The following MED12L variants were observed in gnomAD, a reference collection of about 807,000 sequenced individuals.
MED12L encodes the protein mediator complex subunit 12L.
A neutral mutation model predicts 281.3 loss-of-function variants in MED12L; 60 were observed. That is an observed-to-expected ratio of 0.21 (90% CI 0.17 to 0.26). The LOEUF is 0.26. MED12L is among the 10% of genes least tolerant of loss of function. The pLI, the probability that MED12L is intolerant of heterozygous loss-of-function variation, is 1.00. For missense variants in MED12L, 2,146 were observed against 2,680.9 expected (o/e 0.80, Z 4.41); for synonymous variants, 974 against 987.2 (o/e 0.99, Z 0.25).
rs1156643264 is a variant in MED12L at position 151,160,000 on chromosome 3, C to G, written c.1006C>G (p.Pro336Ala). ...GAGTATCGGGGCCCCCAGCCCTGGC[C>G]CCCCCGGCCCTGGCATGAGCCCCGT... Reference protein sequence around the residue: ...NSSIGAPSPGPPGPGMSPVQL... With the variant: ...NSSIGAPSPGAPGPGMSPVQL... The change falls in exon 8 of 45, where the codon CCC becomes GCC. Residue 336 changes from proline (P) to alanine (A), a missense_variant. Around this residue, in one of 9 missense-constraint regions of MED12L, gnomAD observed 722 missense variants for 861.2 expected, o/e 0.84. Transcript: ENST00000687756. The G allele has an allele frequency of 3.7e-6, 6 of 1,614,166 alleles. No individual in the cohort carries two copies. The highest frequency in any genetic ancestry group is 5.1e-6 in the Non-Finnish European group (6 of 1,179,990).
intron 2 of MED12L, 48 bp from the exon 3 acceptor site, chr3:151,116,290 T>C: frequency 2.2e-6 from 3 of 1,356,324 alleles, no homozygotes; most frequent in East Asian, 2.4e-5. Flanking sequence ...TGGGATTATG[T>C]TGAAGCTTTT....
chr3:151,158,504 A>C (rs1719572149), intron 6 of MED12L, among the ~76,000 whole-genome samples, 185 bp from the exon 7 acceptor site: 1 of 152,132 alleles, frequency 6.6e-6, no homozygotes, highest in Admixed American at 6.5e-5. Context: ...TTTCTAAAAA[A>C]CAAAAAAAAC....
Position 151,434,695 on chromosome 3 carries a change from C to A in MED12L, c.*1891C>A, listed in dbSNP as rs1445024114. 6.6e-6 allele frequency: 1 copy of A among 152,178 alleles called. No individual in the cohort carries two copies. Among genetic ancestry groups the A allele is most frequent in the African/African-American group, 2.4e-5 (1 of 41,448 alleles). 9.4% of individuals were successfully genotyped at this position (152,178 alleles called of 1,614,324 possible). ...TGAATGTTGTGCCTAGTGAGTGAGT[C>A]ATGTTCCATCATTATTTCTTTCCAA... On this transcript the variant is annotated 3_prime_UTR_variant, in exon 45 of 45. Coordinates refer to ENST00000687756, the MANE Select transcript of MED12L (RefSeq NM_001393769.1).
chr3:151,392,192 G>A (rs1008057652), intron 38 of MED12L, among the ~76,000 whole-genome samples: 32 of 151,996 alleles, frequency 2.1e-4, no homozygotes, highest in South Asian at 4.1e-4. Context: ...GGCTGGGCAC[G>A]GTGGCTGACA....
chr3:151,163,420 AC>A (rs1720257387), intron 8 of MED12L, among the ~76,000 whole-genome samples: 1 of 152,018 alleles, frequency 6.6e-6, no homozygotes, highest in African/African-American at 2.4e-5. Context: ...AAGTTTGACA[AC>A]CCCTTGTCCA....
chr3:151,172,672 G>T (rs1721579591), intron 11 of MED12L, among the ~76,000 whole-genome samples: 1 of 152,182 alleles, frequency 6.6e-6, no homozygotes, highest in African/African-American at 2.4e-5. Flanking sequence ...TTTTGTTGTT[G>T]TTTAAGGAAA....
At chr3:151,382,814 A>C (rs1577514705) in intron 33 of MED12L, 69 bp downstream of exon 33, 1 of 1,276,602 alleles carries the variant, frequency 7.8e-7, no homozygotes, top group Admixed American at 2.0e-5. Context: ...CCAGCTTTCC[A>C]CTTCTCCTAA....
In MED12L at chr3:151,129,490, TCCC is replaced by T. The variant is rs958148479; in HGVS notation, c.556+1510_556+1512del. 7.3e-5 allele frequency among the ~76,000 whole-genome samples: 11 copies of T among 151,266 alleles called. No individual in the cohort carries two copies. The East Asian group carries it at 2.1e-3, about 29-fold the overall frequency. ...TATCTTTATATTTCTCTGAGTTTATTCCCCCCATCAGCATTTTATTTTATTTGA... is the reference window on the plus strand; with the variant it reads ...TATCTTTATATTTCTCTGAGTTTATTCCCATCAGCATTTTATTTTATTTGA... On this transcript the variant is annotated intron_variant, in intron 5 of 44. Transcript: ENST00000687756.
At chr3:151,242,604 A>T (rs1444736717) in intron 16 of MED12L, among the ~76,000 whole-genome samples, 2 of 152,218 alleles carry the variant, frequency 1.3e-5, no homozygotes, top group Non-Finnish European at 2.9e-5. Context: ...ATCCACACCA[A>T]AAACCCATCT....
At chr3:151,118,106 A>C (rs1713141597) in intron 3 of MED12L, among the ~76,000 whole-genome samples, 1 of 151,656 alleles carries the variant, frequency 6.6e-6, no homozygotes, top group South Asian at 2.1e-4. Context: ...AAAAAAAAAA[A>C]AGGAATGTAA....
intron 16 of MED12L, chr3:151,337,787 G>T (rs1218439724): frequency 6.2e-7 from 1 of 1,606,214 alleles, no homozygotes; most frequent in African/African-American, 1.3e-5. Flanking sequence ...TGAACACAAA[G>T]AGATTGAAAT....
chr3:151,242,489 AC>A (rs1243311697), intron 16 of MED12L, among the ~76,000 whole-genome samples: 2 of 152,174 alleles, frequency 1.3e-5, no homozygotes, highest in African/African-American at 2.4e-5. Context: ...ACTGGGAGGC[AC>A]CCCCCAGCAG....
At chr3:151,222,818 A>T (rs923311471) in intron 16 of MED12L, among the ~76,000 whole-genome samples, 1 of 152,166 alleles carries the variant, frequency 6.6e-6, no homozygotes, top group Non-Finnish European at 1.5e-5. Context: ...AAAGGTGATG[A>T]TGGTAAAATA....
intron 5 of MED12L, among the ~76,000 whole-genome samples, chr3:151,152,783 C>T (rs1718727322): frequency 6.6e-6 from 1 of 152,110 alleles, no homozygotes; most frequent in South Asian, 2.1e-4. Flanking sequence ...AGATTTGGAC[C>T]CCAGGCCATC....
Position 151,421,134 on chromosome 3 carries a change from A to G in MED12L, c.6408+4712A>G, listed in dbSNP as rs560990903. Among the ~76,000 whole-genome samples the G allele has an allele frequency of 1.9e-3, 284 of 152,060 alleles. 1 individual carries two copies. The highest frequency in any genetic ancestry group is 0.017 in the Admixed American group (261 of 15,284). Reference sequence around the variant, plus strand: ...CCTGTGCGTAACCTCCATCCCTGCCACCATGGCCACTTTGTTCATGGGCCC... The same window carrying G: ...CCTGTGCGTAACCTCCATCCCTGCCGCCATGGCCACTTTGTTCATGGGCCC... On this transcript the variant is annotated intron_variant, in intron 43 of 44. Coordinates refer to ENST00000687756, the MANE Select transcript of MED12L (RefSeq NM_001393769.1).
intron 16 of MED12L, among the ~76,000 whole-genome samples, chr3:151,247,784 A>AG (rs1735956943): frequency 1.3e-5 from 2 of 151,536 alleles, no homozygotes; most frequent in Non-Finnish European, 2.9e-5. Flanking sequence ...CAAAAAAAAA[A>AG]TGAATTAGGA....
At chr3:151,266,260 A>ATT (rs1739815630) in intron 16 of MED12L, among the ~76,000 whole-genome samples, 1 of 152,222 alleles carries the variant, frequency 6.6e-6, no homozygotes, top group Non-Finnish European at 1.5e-5. Flanking sequence ...GGTATTCAAC[A>ATT]TCTTCTATTA....
chr3:151,397,409 A>G (rs1715117042), intron 39 of MED12L, among the ~76,000 whole-genome samples: 2 of 152,244 alleles, frequency 1.3e-5, no homozygotes, highest in South Asian at 4.1e-4. Context: ...GTGATCCTGT[A>G]GTACATCGAG....
intron 5 of MED12L, among the ~76,000 whole-genome samples, chr3:151,133,351 A>G (rs1715678503): frequency 6.6e-6 from 1 of 152,226 alleles, no homozygotes; most frequent in Admixed American, 6.5e-5. Context: ...ACAGATCTCA[A>G]ATGTAGATTA....
Sources: allele counts gnomAD v4.1 joint callset (sites outside exome capture counted in the v4.1 genomes callset), GRCh38; gene constraint gnomAD v4.1.1; regional missense constraint gnomAD v4.1.1; transcripts MANE v1.5; gene names NCBI Gene and HGNC (gene_info 2026-07-23, HGNC 2026-07-21).